Variants in FAM135B observed in about 807,000 individuals in gnomAD.
FAM135B encodes the protein family with sequence similarity 135 member B, also known as protein FAM135B.
In FAM135B, 43 loss-of-function variants were observed where a neutral mutation model predicts 127.7. That is an observed-to-expected ratio of 0.34 (90% CI 0.26 to 0.43). The LOEUF (loss-of-function observed/expected upper bound fraction) is 0.43, where lower values mean the gene tolerates loss of function less well. Among genes scored for constraint, FAM135B ranks in the 20% least tolerant of loss-of-function variants. The pLI is 1.00. For missense variants in FAM135B, 1,558 were observed against 1,725.6 expected, an observed-to-expected ratio of 0.90 and a Z score of 1.72; for synonymous variants, 670 against 665.1, an observed-to-expected ratio of 1.01 and a Z score of -0.11.
At chr8:138,155,425 G>A (rs1282190030) in intron 12 of FAM135B, among the ~76,000 whole-genome samples, 1 of 152,084 alleles carries the variant, frequency 6.6e-6, no homozygotes, top group Non-Finnish European at 1.5e-5. Flanking sequence ...ATAATGACAG[G>A]ATCAAATTCA....
At chr8:138,296,401 A>T (rs1389528652) in intron 3 of FAM135B, among the ~76,000 whole-genome samples, 1 of 152,168 alleles carries the variant, frequency 6.6e-6, no homozygotes, top group Non-Finnish European at 1.5e-5. Context: ...TGGGCTGTTT[A>T]TGCATTTTAT....
intron 1 of FAM135B, among the ~76,000 whole-genome samples, chr8:138,427,181 A>T (rs953966156): frequency 1.3e-5 from 2 of 151,708 alleles, no homozygotes; most frequent in African/African-American, 2.4e-5. Flanking sequence ...AGACAGGAAC[A>T]AAAGGGAGTT....
chr8:138,186,636 C>T (rs1234497283), intron 9 of FAM135B, among the ~76,000 whole-genome samples: 2 of 152,190 alleles, frequency 1.3e-5, no homozygotes, highest in Non-Finnish European at 1.5e-5. Context: ...CCTCTTCATC[C>T]AGCCACATCC....
chr8:138,393,547 C>T (rs1832701658), intron 1 of FAM135B, among the ~76,000 whole-genome samples: 1 of 152,078 alleles, frequency 6.6e-6, no homozygotes, highest in Admixed American at 6.6e-5. Context: ...TGCAGCTTAG[C>T]TTACGGGCTG....
chr8:138,484,169 T>C (rs906556537), intron 1 of FAM135B, among the ~76,000 whole-genome samples: 2 of 152,032 alleles, frequency 1.3e-5, no homozygotes, highest in Non-Finnish European at 2.9e-5. Context: ...TTCAAGTAAA[T>C]GTGCCTGCAA....
chr8:138,378,322 G>A (rs770209100), intron 1 of FAM135B, among the ~76,000 whole-genome samples: 1 of 152,206 alleles, frequency 6.6e-6, no homozygotes, highest in Non-Finnish European at 1.5e-5. Flanking sequence ...CTGGGAGCTG[G>A]CCAGTCCAAG....
chr8:138,150,794 G>A (rs1216521658), intron 13 of FAM135B, among the ~76,000 whole-genome samples: 1 of 152,086 alleles, frequency 6.6e-6, no homozygotes, highest in Non-Finnish European at 1.5e-5. Context: ...TCATTACAAT[G>A]ATGATGCAAA....
chr8:138,197,095 GTGTGTGTGTGTGTGTGTGTGTGTATA>G lies in FAM135B; in HGVS notation c.823+395_823+420del, dbSNP rs1297448946. On this transcript the variant is annotated intron_variant, in intron 8 of 19. Transcript: ENST00000395297. Reference sequence around the variant, plus strand: ...TGCATATGTGTGTGTGTGTGTGTGTGTGTGTGTGTGTGTGTGTGTGTGTATATATATAGTTTTTATGAGGATTGTTT... The same window carrying G: ...TGCATATGTGTGTGTGTGTGTGTGTGTATATAGTTTTTATGAGGATTGTTT... Among the ~76,000 whole-genome samples, 7 of 63,116 alleles carry G rather than the reference GTGTGTGTGTGTGTGTGTGTGTGTATA, an allele frequency of 1.1e-4. 1 individual carries two copies. The highest frequency in any genetic ancestry group is 3.1e-4 in the African/African-American group (6 of 19,406). 41.4% of individuals were successfully genotyped at this position (63,116 alleles called of 152,430 possible).
At position 138,278,950 on chromosome 8, in the gene FAM135B, A is replaced by G. The variant is rs889560853; in HGVS notation, c.158-13108T>C. Among the ~76,000 whole-genome samples the G allele has an allele frequency of 2.6e-5, 4 of 152,170 alleles. No homozygotes were observed. In the South Asian group the frequency reaches 8.3e-4, roughly 32 times the overall value. On this transcript the variant is annotated intron_variant, in intron 3 of 19. Coordinates refer to ENST00000395297, the MANE Select transcript of FAM135B (RefSeq NM_015912.4). Reference sequence around the variant, plus strand: ...AATTACTTCCTTGACTTTTGGGGAGAAGGAGGGTTGGTCCTGGCTCATAGT... The same window carrying G: ...AATTACTTCCTTGACTTTTGGGGAGGAGGAGGGTTGGTCCTGGCTCATAGT...
In FAM135B at chr8:138,137,130, A is replaced by T. The variant is rs1172198792; in HGVS notation, c.4015+17T>A. 3 of 1,324,402 alleles carry T rather than the reference A, an allele frequency of 2.3e-6. No individual in the cohort carries two copies. Among genetic ancestry groups the T allele is most frequent in the South Asian group, 1.2e-5 (1 of 84,268 alleles). The allele number at this position is 1,324,402 out of a possible 1,614,324, so 82.0% of individuals were successfully genotyped here. ...TCAAATTAGAAAGTCCCTGAGCAAA[A>T]ATTAAATGTAGCTTACCTGTGTGTC... On this transcript the variant is annotated intron_variant, in intron 19 of 19. Transcript: ENST00000395297.
intron 1 of FAM135B, among the ~76,000 whole-genome samples, chr8:138,395,907 G>C (rs1466651811): frequency 6.6e-6 from 1 of 152,132 alleles, no homozygotes; most frequent in Non-Finnish European, 1.5e-5. Flanking sequence ...AAACTCCCTT[G>C]AACAGTTTTT....
At chr8:138,462,548 G>A (rs1296080162) in intron 1 of FAM135B, among the ~76,000 whole-genome samples, 2 of 152,138 alleles carry the variant, frequency 1.3e-5, no homozygotes, top group East Asian at 3.9e-4. Flanking sequence ...AATGCTACCT[G>A]GAGTCACTGG....
chr8:138,151,432 T>G lies in FAM135B; in HGVS notation c.3043A>C (p.Thr1015Pro), dbSNP rs767376899. ...TCCAGAGTAAAGGTCTCTGCAGAAG[T>G]CAGATGGGACCCCATGATGGAAGTG... ...AGTSIMGSHLTSAETFTLDSL... is the reference protein window; with the variant it reads ...AGTSIMGSHLPSAETFTLDSL... The change falls in exon 13 of 20, where the codon ACT (threonine) becomes CCT (proline). Residue 1015 changes from threonine (T) to proline (P), a missense_variant. Physicochemically the swap from Thr to Pro is conservative, Grantham distance 38 (BLOSUM62 -1). Transcript: ENST00000395297. 4.2e-5 allele frequency: 68 copies of G among 1,614,200 alleles called. No homozygotes were observed. The highest frequency in any genetic ancestry group is 6.7e-5 in the Admixed American group (4 of 60,030).
At chr8:138,262,248 A>T (rs1822590191) in intron 4 of FAM135B, among the ~76,000 whole-genome samples, 1 of 152,186 alleles carries the variant, frequency 6.6e-6, no homozygotes, top group Non-Finnish European at 1.5e-5. Context: ...CAATTCTCTG[A>T]CGGAATTAAG....
chr8:138,283,484 A>G (rs1419037354), intron 3 of FAM135B, among the ~76,000 whole-genome samples: 1 of 152,090 alleles, frequency 6.6e-6, no homozygotes, highest in Non-Finnish European at 1.5e-5. Flanking sequence ...GGCAAAGCTC[A>G]GAGGATTTTT....
At chr8:138,476,970 C>A (rs145859140) in intron 1 of FAM135B, among the ~76,000 whole-genome samples, 19 of 152,250 alleles carry the variant, frequency 1.2e-4, no homozygotes, top group African/African-American at 4.3e-4. Flanking sequence ...AGAGAAGAAG[C>A]CAAGAACCAA....
intron 17 of FAM135B, among the ~76,000 whole-genome samples, chr8:138,139,715 G>A (rs1359298763): frequency 6.6e-6 from 1 of 152,162 alleles, no homozygotes; most frequent in African/African-American, 2.4e-5. Context: ...GCAGTGAGTC[G>A]AGATTGCACC....
chr8:138,330,326 T>A lies in FAM135B; in HGVS notation c.78-19406A>T, dbSNP rs533164827. On this transcript the variant is annotated intron_variant, in intron 2 of 19. Transcript: ENST00000395297. ...CCACCATTTCCCTGGGCTTTCTTTG[T>A]CTTTGAGTACCGGGAAAAGCAAACA... Among the ~76,000 whole-genome samples the A allele has an allele frequency of 3.9e-5, 6 of 152,244 alleles. No homozygotes were observed. The South Asian group carries it at 1.0e-3, about 26-fold the overall frequency.
chr8:138,415,084 C>T (rs1006108940), intron 1 of FAM135B, among the ~76,000 whole-genome samples: 3 of 152,138 alleles, frequency 2.0e-5, no homozygotes, highest in Non-Finnish European at 4.4e-5. Flanking sequence ...TGATCACAAG[C>T]TAAATACTCA....
Sources: allele counts gnomAD v4.1 joint callset (sites outside exome capture counted in the v4.1 genomes callset), GRCh38; gene constraint gnomAD v4.1.1; transcripts MANE v1.5; gene names NCBI Gene and HGNC (gene_info 2026-07-23, HGNC 2026-07-21).